The following RAPGEF5 variants were observed in gnomAD, a reference collection of about 807,000 sequenced individuals.
The protein encoded by RAPGEF5 is Rap guanine nucleotide exchange factor 5, also known as M-Ras-regulated GEF.
A neutral mutation model predicts 125.2 loss-of-function variants in RAPGEF5; 65 were observed. The observed-to-expected ratio is 0.52, with a 90% confidence interval of 0.43 to 0.64. The LOEUF (loss-of-function observed/expected upper bound fraction) is 0.64, where lower values mean the gene tolerates loss of function less well. Among genes scored for constraint, RAPGEF5 ranks in the 30% least tolerant of loss-of-function variants. The pLI, the probability that RAPGEF5 is intolerant of heterozygous loss-of-function variation, is 0.00. For synonymous variants in RAPGEF5, 391 were observed against 385.9 expected, an observed-to-expected ratio of 1.01 and a Z score of -0.16; for missense variants, 958 against 1,048.1, an observed-to-expected ratio of 0.91 and a Z score of 1.19.
intron 16 of RAPGEF5, among the ~76,000 whole-genome samples, chr7:22,155,674 C>T (rs537000863): frequency 9.9e-5 from 15 of 152,250 alleles, no homozygotes; most frequent in East Asian, 9.6e-4. Context: ...TGGTTGGGTA[C>T]GTCACTAAAA....
chr7:22,135,560 T>C (rs1012938001), intron 23 of RAPGEF5, among the ~76,000 whole-genome samples: 6 of 152,218 alleles, frequency 3.9e-5, no homozygotes, highest in African/African-American at 1.4e-4. Context: ...GGAAGTACAC[T>C]TCTCCATCAA....
Position 22,220,082 on chromosome 7 carries a change from C to A in RAPGEF5, c.871-91G>T, listed in dbSNP as rs181839806. On this transcript the variant is annotated intron_variant, in intron 8 of 25. Transcript: ENST00000665637. ...AAAGTTCACCTTATAATAAGCTCAT[C>A]TTTTCCACTGCCTGGATTAAATCAT... The A allele has an allele frequency of 2.2e-5, 31 of 1,439,944 alleles. No individual in the cohort carries two copies. In the East Asian group the frequency reaches 2.6e-4, roughly 12 times the overall value. The allele number at this position is 1,439,944 out of a possible 1,614,324, so 89.2% of individuals were successfully genotyped here.
At chr7:22,277,556 C>A (rs1351260466) in intron 6 of RAPGEF5, among the ~76,000 whole-genome samples, 1 of 152,186 alleles carries the variant, frequency 6.6e-6, no homozygotes, top group Non-Finnish European at 1.5e-5. Context: ...CTGGGCTGCA[C>A]TCCTAACTGG....
At chr7:22,322,520 T>C (rs181247275) in intron 1 of RAPGEF5, among the ~76,000 whole-genome samples, 19 of 152,326 alleles carry the variant, frequency 1.2e-4, no homozygotes, top group Middle Eastern at 3.4e-3. Context: ...TAATTAATCC[T>C]ATTTTGTAGA....
chr7:22,183,493 G>A (rs2128122456), intron 11 of RAPGEF5, among the ~76,000 whole-genome samples: 1 of 152,146 alleles, frequency 6.6e-6, no homozygotes, highest in African/African-American at 2.4e-5. Context: ...TGGAAGTCTA[G>A]CTAAAAAGAT....
chr7:22,130,899 AAT>A, intron 24 of RAPGEF5, 136 bp downstream of exon 24: 1 of 1,231,790 alleles, frequency 8.1e-7, no homozygotes, highest in Non-Finnish European at 1.1e-6. Flanking sequence ...AAGCTCCTTG[AAT>A]GAAGCAAATA....
chr7:22,197,835 T>G (rs998042452), intron 9 of RAPGEF5, among the ~76,000 whole-genome samples: 2 of 148,416 alleles, frequency 1.3e-5, no homozygotes, highest in African/African-American at 4.9e-5. Flanking sequence ...TGAATGCATT[T>G]GCATTTTAAA....
chr7:22,324,817 T>A (rs1406613806), intron 1 of RAPGEF5, among the ~76,000 whole-genome samples: 1 of 152,130 alleles, frequency 6.6e-6, no homozygotes, highest in Non-Finnish European at 1.5e-5. Flanking sequence ...CGAAAACACC[T>A]CCCTACATGT....
At chr7:22,226,412 A>T (rs1785920228) in intron 8 of RAPGEF5, among the ~76,000 whole-genome samples, 1 of 152,228 alleles carries the variant, frequency 6.6e-6, no homozygotes, top group African/African-American at 2.4e-5. Context: ...TTTTGAAAAC[A>T]GAAAATATTA....
At chr7:22,285,247 A>G (rs1055114219) in intron 6 of RAPGEF5, among the ~76,000 whole-genome samples, 2 of 152,216 alleles carry the variant, frequency 1.3e-5, no homozygotes, top group African/African-American at 4.8e-5. Flanking sequence ...AGTTTCTACC[A>G]AATGTGTCTC....
chr7:22,233,306 G>A (rs1039840699), intron 7 of RAPGEF5, among the ~76,000 whole-genome samples: 7 of 152,054 alleles, frequency 4.6e-5, no homozygotes, highest in African/African-American at 1.7e-4. Context: ...CACATAAAAA[G>A]CAACCATACT....
At chr7:22,246,768 A>G (rs1786487949) in intron 7 of RAPGEF5, among the ~76,000 whole-genome samples, 1 of 152,238 alleles carries the variant, frequency 6.6e-6, no homozygotes, top group South Asian at 2.1e-4. Context: ...CAGCAAAATA[A>G]ATTATCAACA....
rs906793107 is a variant in RAPGEF5, at chr7:22,119,593, G to A, written c.*2813C>T. 3 of 152,206 alleles carry A rather than the reference G, an allele frequency of 2.0e-5. No individual in the cohort carries two copies. The highest frequency in any genetic ancestry group is 2.0e-4 in the Admixed American group (3 of 15,280). 9.4% of individuals were successfully genotyped at this position (152,206 alleles called of 1,614,324 possible). A position where few individuals can be genotyped will look rare whatever the true frequency, so the allele number is the denominator to read the frequency against. ...TTGTGCTAACTTCTAAGCAGGGCTA[G>A]TTTGCTGGAATGCTGACGAATCCAA... On this transcript the variant is annotated 3_prime_UTR_variant, in exon 26 of 26. Coordinates refer to ENST00000665637, the MANE Select transcript of RAPGEF5 (RefSeq NM_012294.5). The surrounding 1 kb of genome is among the most constrained non-coding windows in gnomAD (Gnocchi z 4.1).
intron 1 of RAPGEF5, among the ~76,000 whole-genome samples, chr7:22,318,543 A>G (rs1783649073): frequency 6.6e-6 from 1 of 152,100 alleles, no homozygotes; most frequent in Non-Finnish European, 1.5e-5. Flanking sequence ...GAGTTAATCC[A>G]TGCCCCCTCA....
chr7:22,276,483 G>T (rs1206825718), intron 6 of RAPGEF5, among the ~76,000 whole-genome samples: 1 of 152,150 alleles, frequency 6.6e-6, no homozygotes, highest in Non-Finnish European at 1.5e-5. Context: ...ACATTCTAGG[G>T]ATCTTCTATG....
chr7:22,256,041 CATT>C (rs1786751386), intron 7 of RAPGEF5, among the ~76,000 whole-genome samples: 1 of 152,086 alleles, frequency 6.6e-6, no homozygotes, highest in Non-Finnish European at 1.5e-5. Context: ...GGGGTGATCA[CATT>C]ACTCTTGCCT....
At chr7:22,263,511 C>A (rs535326811) in intron 7 of RAPGEF5, among the ~76,000 whole-genome samples, 1 of 152,038 alleles carries the variant, frequency 6.6e-6, no homozygotes, top group South Asian at 2.1e-4. Flanking sequence ...GGGTGGATCA[C>A]CTGAGGTCAA....
intron 11 of RAPGEF5, chr7:22,192,516 C>T (rs547152766): frequency 6.6e-6 from 1 of 152,330 alleles, no homozygotes; most frequent in South Asian, 2.1e-4. Flanking sequence ...GTGGGTCTCA[C>T]AGGTGCTATG....
chr7:22,122,286 G>T lies in RAPGEF5; in HGVS notation c.*120C>A. ...CGCTTTGGCTGGCTTTCCTGTGAAT[G>T]TCTTGGGTTATACTGATAAAACTCA... is the stretch of plus-strand genomic sequence containing the variant. On this transcript the variant is annotated 3_prime_UTR_variant, in exon 26 of 26. Coordinates refer to ENST00000665637, the MANE Select transcript of RAPGEF5 (RefSeq NM_012294.5). 1.3e-6 allele frequency: 1 copy of T among 773,220 alleles called. No individual in the cohort carries two copies. Among genetic ancestry groups the T allele is most frequent in the Non-Finnish European group, 2.1e-6 (1 of 480,792 alleles). The allele number at this position is 773,220 out of a possible 1,614,324, so 47.9% of individuals were successfully genotyped here. A position where few individuals can be genotyped will look rare whatever the true frequency, so the allele number is the denominator to read the frequency against.
Sources: gnomAD v4.1 joint callset for allele counts (sites outside exome capture counted in the v4.1 genomes callset) on GRCh38, gnomAD v4.1.1 for gene constraint, Gnocchi (gnomAD v3.1) non-coding constraint, MANE v1.5 for transcripts, NCBI Gene and HGNC (gene_info 2026-07-23, HGNC 2026-07-21) for gene names.